PHF21A: variants seen among roughly 807,000 people sequenced by gnomAD.
PHF21A encodes PHD finger protein 21A.
A neutral mutation model predicts 82.5 loss-of-function variants in PHF21A; 11 were observed. That is an observed-to-expected ratio of 0.13 (90% CI 0.08 to 0.22). The LOEUF (loss-of-function observed/expected upper bound fraction) is 0.22. PHF21A is among the 10% of genes least tolerant of loss of function. The probability of loss-of-function intolerance (pLI) is 1.00; values close to 1 mark genes in which losing one functional copy is unlikely to be tolerated. For missense variants in PHF21A, 579 were observed against 837.8 expected, an observed-to-expected ratio of 0.69 and a Z score of 3.81; for synonymous variants, 297 against 302.8, an observed-to-expected ratio of 0.98 and a Z score of 0.20.
intron 6 of PHF21A, among the ~76,000 whole-genome samples, chr11:45,984,393 G>A (rs892863667): frequency 2.0e-4 from 30 of 152,080 alleles, no homozygotes; most frequent in Non-Finnish European, 2.8e-4. Context: ...CGCATCACTG[G>A]GTTTCATCAG....
At chr11:45,934,310 C>A (rs1263088716) in intron 18 of PHF21A, 85 bp from the exon 19 acceptor site, 7 of 1,358,990 alleles carry the variant, frequency 5.2e-6, no homozygotes, top group Non-Finnish European at 7.1e-6. Context: ...CGCCTTCTCT[C>A]TGCCCAGGGA....
chr11:45,935,414 A>G, intron 18 of PHF21A: 1 of 706,438 alleles, frequency 1.4e-6, no homozygotes, highest in Admixed American at 2.4e-5. Context: ...TAAAGCCAAG[A>G]GGATGTTACA....
intron 6 of PHF21A, among the ~76,000 whole-genome samples, chr11:45,982,018 A>G (rs905922136): frequency 7.2e-6 from 1 of 138,396 alleles, no homozygotes; most frequent in Non-Finnish European, 1.5e-5. Context: ...GTGCGGCAGC[A>G]CAATCTTGGC....
intron 6 of PHF21A, among the ~76,000 whole-genome samples, chr11:46,055,491 C>G (rs1035330251): frequency 1.3e-5 from 2 of 152,170 alleles, no homozygotes; most frequent in African/African-American, 4.8e-5. Flanking sequence ...ACCAGTGAGT[C>G]AGTTGAGACT....
intron 6 of PHF21A, among the ~76,000 whole-genome samples, chr11:45,998,474 G>A (rs190866906): frequency 6.6e-6 from 1 of 152,060 alleles, no homozygotes; most frequent in Non-Finnish European, 1.5e-5. Flanking sequence ...TCTATTTTAG[G>A]AAACAGAAGA....
At chr11:46,017,656 T>C (rs2095543681) in intron 6 of PHF21A, among the ~76,000 whole-genome samples, 1 of 151,914 alleles carries the variant, frequency 6.6e-6, no homozygotes, top group East Asian at 1.9e-4. Flanking sequence ...TTACTCACTA[T>C]AATATTTTCT....
intron 6 of PHF21A, chr11:46,027,212 A>T (rs1275836538): frequency 6.6e-6 from 1 of 152,190 alleles, no homozygotes; most frequent in Non-Finnish European, 1.5e-5. Context: ...AAGATGATGC[A>T]CTGATTTCTA....
At chr11:46,081,472 G>C (rs759831740) in intron 4 of PHF21A, among the ~76,000 whole-genome samples, 1 of 152,200 alleles carries the variant, frequency 6.6e-6, no homozygotes, top group Non-Finnish European at 1.5e-5. Flanking sequence ...GCTGAAAAAG[G>C]TTTTCTTCCA....
intron 6 of PHF21A, among the ~76,000 whole-genome samples, chr11:46,040,966 C>T (rs1269811678): frequency 6.6e-6 from 1 of 151,322 alleles, no homozygotes; most frequent in African/African-American, 2.4e-5. Flanking sequence ...GATCTAGCCA[C>T]AGTAAGAATT....
At chr11:46,052,555 A>G (rs1045704282) in intron 6 of PHF21A, among the ~76,000 whole-genome samples, 61 of 152,190 alleles carry the variant, frequency 4.0e-4, no homozygotes, top group African/African-American at 1.2e-3. Flanking sequence ...TACTTTACAG[A>G]ATTGAAAACT....
At chr11:45,974,112 A>G (rs1366364722) in intron 7 of PHF21A, among the ~76,000 whole-genome samples, 1 of 152,160 alleles carries the variant, frequency 6.6e-6, no homozygotes, top group Non-Finnish European at 1.5e-5. Context: ...ATTTCACTAC[A>G]TGATTTCTAG....
intron 9 of PHF21A, among the ~76,000 whole-genome samples, chr11:45,969,254 C>T (rs913014158): frequency 6.6e-6 from 1 of 152,164 alleles, no homozygotes; most frequent in African/African-American, 2.4e-5. Context: ...TGAAAGTTAG[C>T]CTAATTGCTG....
At chr11:45,955,713 C>T (rs2092581730) in intron 10 of PHF21A, among the ~76,000 whole-genome samples, 2 of 152,036 alleles carry the variant, frequency 1.3e-5, no homozygotes, top group Admixed American at 1.3e-4. Context: ...ACAAATAAAA[C>T]AATCAAAACA....
At position 46,084,928 on chromosome 11, in the gene PHF21A, T is replaced by C. The variant is rs562581566; in HGVS notation, c.-83-626A>G. Among the ~76,000 whole-genome samples, 331 of 152,048 alleles carry C rather than the reference T, an allele frequency of 2.2e-3. 1 individual carries two copies. Among genetic ancestry groups the C allele is most frequent in the Middle Eastern group, 0.01 (3 of 292 alleles). ...ATCTCCTGACCTCGTGATCCACCCA[T>C]CTCAGCCTCCCAAAGTGCTGGGATT... On this transcript the variant is annotated intron_variant, in intron 3 of 18. Coordinates refer to ENST00000676320, the MANE Select transcript of PHF21A (RefSeq NM_001352027.3).
intron 1 of PHF21A, among the ~76,000 whole-genome samples, chr11:46,110,113 C>T (rs1464083434): frequency 6.6e-6 from 1 of 151,992 alleles, no homozygotes; most frequent in Non-Finnish European, 1.5e-5. Context: ...TAAAACCCAG[C>T]CCCTTATTGC....
chr11:45,967,632 C>G (rs2093522311), intron 9 of PHF21A, among the ~76,000 whole-genome samples: 1 of 152,196 alleles, frequency 6.6e-6, no homozygotes, highest in Non-Finnish European at 1.5e-5. Flanking sequence ...GCTGTAGGGA[C>G]TGCTGTATGG....
chr11:46,104,648 T>C (rs1270376571), intron 1 of PHF21A, among the ~76,000 whole-genome samples: 2 of 152,172 alleles, frequency 1.3e-5, no homozygotes, highest in South Asian at 4.1e-4. Flanking sequence ...TCCCATGAAC[T>C]TTTAGTGGGA....
At chr11:45,936,733 T>A in intron 16 of PHF21A, 164 bp from the exon 17 acceptor site, 1 of 600,076 alleles carries the variant, frequency 1.7e-6, no homozygotes, top group Non-Finnish European at 2.9e-6. Context: ...ACTAAAAAGT[T>A]CCAAATATCA....
At chr11:46,037,058 C>CCA (rs2138584639) in intron 6 of PHF21A, among the ~76,000 whole-genome samples, 1 of 152,164 alleles carries the variant, frequency 6.6e-6, no homozygotes, top group South Asian at 2.1e-4. Flanking sequence ...GCTAGAATAT[C>CCA]CAGAATAATA....
Sources: gnomAD v4.1 joint callset for allele counts (sites outside exome capture counted in the v4.1 genomes callset) on GRCh38, gnomAD v4.1.1 for gene constraint, MANE v1.5 for transcripts, NCBI Gene and HGNC (gene_info 2026-07-23, HGNC 2026-07-21) for gene names.